Variants in CCNY observed in about 807,000 individuals in gnomAD.
CCNY encodes the protein cyclin Y, also known as cyclin-Y.
A neutral mutation model predicts 42.8 loss-of-function variants in CCNY; 19 were observed. That is an observed-to-expected ratio of 0.44 (90% CI 0.31 to 0.65). The LOEUF (loss-of-function observed/expected upper bound fraction) is 0.65. CCNY is among the 30% of genes least tolerant of loss of function. The pLI, the probability that CCNY is intolerant of heterozygous loss-of-function variation, is 0.07. For missense variants in CCNY, 370 were observed against 437.3 expected (o/e 0.85, Z 1.37); for synonymous variants, 165 against 162.7 (o/e 1.01, Z -0.11).
chr10:35,491,886 T>A (rs959844127), intron 2 of CCNY, among the ~76,000 whole-genome samples: 24 of 151,922 alleles, frequency 1.6e-4, no homozygotes, highest in African/African-American at 5.5e-4. Flanking sequence ...AGTGCTGGGA[T>A]TACAGGTGTG....
chr10:35,539,489 G>T (rs1840952336), intron 7 of CCNY, among the ~76,000 whole-genome samples: 1 of 152,168 alleles, frequency 6.6e-6, no homozygotes, highest in South Asian at 2.1e-4. Context: ...CACTTCTTTT[G>T]TTAAATTTAT....
At chr10:35,343,000 CTTTTT>C (rs112760907) in intron 1 of CCNY, among the ~76,000 whole-genome samples, 1 of 128,358 alleles carries the variant, frequency 7.8e-6, no homozygotes, top group Non-Finnish European at 1.7e-5. Flanking sequence ...TCCTGCCTGC[CTTTTT>C]TTTTTTTTTT....
At chr10:35,400,114 G>T (rs1837612064) in intron 1 of CCNY, among the ~76,000 whole-genome samples, 1 of 152,118 alleles carries the variant, frequency 6.6e-6, no homozygotes, top group African/African-American at 2.4e-5. Flanking sequence ...TAGCCCTGTG[G>T]ATAGCTGTTC....
At position 35,304,318 on chromosome 10, in the gene CCNY, A is replaced by AT. The variant is rs1461045175; in HGVS notation, c.-9+53701dup. On this transcript the variant is annotated intron_variant, in intron 3 of 11. Coordinates refer to the CCNY transcript ENST00000374706. ...TATTTTTTTTTTTTTTTTATTTTTTATTTTTTTTTGAGACGGAGTCTCGCT... is the reference window on the plus strand; with the variant it reads ...TATTTTTTTTTTTTTTTTATTTTTTATTTTTTTTTTGAGACGGAGTCTCGCT... Among the ~76,000 whole-genome samples the AT allele has an allele frequency of 7.2e-5, 7 of 97,258 alleles. 2 individuals are homozygous for AT. Among genetic ancestry groups the AT allele is most frequent in the East Asian group, 2.9e-4 (1 of 3,476 alleles). The allele number at this position is 97,258 out of a possible 152,430, so 63.8% of individuals were successfully genotyped here. A position where few individuals can be genotyped will look rare whatever the true frequency, so the allele number is the denominator to read the frequency against.
At chr10:35,327,575 C>T (rs1835894749) in intron 3 of CCNY, 1 of 152,140 alleles carries the variant, frequency 6.6e-6, no homozygotes, top group South Asian at 2.1e-4. Context: ...ATTTTTACTT[C>T]CTGAGAAGTG....
At chr10:35,527,620 C>A (rs1840678554) in intron 5 of CCNY, among the ~76,000 whole-genome samples, 1 of 152,168 alleles carries the variant, frequency 6.6e-6, no homozygotes, top group African/African-American at 2.4e-5. Context: ...GAAATGAATT[C>A]AATCTACCAC....
intron 1 of CCNY, among the ~76,000 whole-genome samples, chr10:35,401,603 A>G (rs1341513410): frequency 1.3e-5 from 2 of 150,950 alleles, no homozygotes; most frequent in African/African-American, 4.9e-5. Flanking sequence ...AGCAGTAGTA[A>G]TTGTCTCATG....
chr10:35,458,959 C>T (rs934322387), intron 1 of CCNY, among the ~76,000 whole-genome samples: 11 of 152,064 alleles, frequency 7.2e-5, no homozygotes, highest in Non-Finnish European at 1.6e-4. Context: ...GATAGGGAGG[C>T]AGGGGACAGA....
chr10:35,547,942 G>A (rs887971395), intron 7 of CCNY, among the ~76,000 whole-genome samples: 3 of 152,062 alleles, frequency 2.0e-5, no homozygotes, highest in African/African-American at 7.2e-5. Flanking sequence ...CCCTGTAATG[G>A]TTTTCCATTT....
chr10:35,516,822 T>A (rs1482706028), intron 4 of CCNY, among the ~76,000 whole-genome samples, 199 bp downstream of exon 4: 3 of 151,944 alleles, frequency 2.0e-5, no homozygotes, highest in Non-Finnish European at 4.4e-5. Context: ...TAAAAAATGA[T>A]TTTGGTAGTT....
At chr10:35,529,300 G>A (rs992197704) in intron 5 of CCNY, among the ~76,000 whole-genome samples, 35 of 152,222 alleles carry the variant, frequency 2.3e-4, no homozygotes, top group African/African-American at 7.5e-4. Context: ...TTACCCTGGC[G>A]CTTCTTTCCT....
intron 1 of CCNY, among the ~76,000 whole-genome samples, chr10:35,399,859 C>G (rs776175040): frequency 9.9e-5 from 15 of 152,136 alleles, no homozygotes; most frequent in Non-Finnish European, 2.2e-4. Context: ...GAGAAGACTT[C>G]TTCCTGTAGA....
rs1330859708 is a variant in CCNY, at chr10:35,482,907, C to T, written c.155-497C>T. Among the ~76,000 whole-genome samples, 7 of 151,880 alleles carry T rather than the reference C, an allele frequency of 4.6e-5. No individual in the cohort carries two copies. The East Asian group carries it at 1.2e-3, about 25-fold the overall frequency. On this transcript the variant is annotated intron_variant, in intron 1 of 9. Coordinates refer to ENST00000374704, the MANE Select transcript of CCNY (RefSeq NM_145012.6). ...GGCCCAGATTAGGTCCACAAATGGC[C>T]GATGTGTAGCTTTTGCTCTAAGGGA... is the stretch of plus-strand genomic sequence containing the variant.
At chr10:35,418,856 CTG>C (rs891833658) in intron 1 of CCNY, among the ~76,000 whole-genome samples, 1 of 151,488 alleles carries the variant, frequency 6.6e-6, no homozygotes, top group Non-Finnish European at 1.5e-5. Flanking sequence ...TTTAATCTCT[CTG>C]TCACCAGGCT....
At chr10:35,483,238 G>T (rs1589151021) in intron 1 of CCNY, among the ~76,000 whole-genome samples, 166 bp from the exon 2 acceptor site, 1 of 152,190 alleles carries the variant, frequency 6.6e-6, no homozygotes, top group South Asian at 2.1e-4. Flanking sequence ...TTTCTAAATA[G>T]CAGTGTTCTG....
In CCNY at chr10:35,456,978, G is replaced by T. The variant is rs116225750; in HGVS notation, c.155-26426G>T. Among the ~76,000 whole-genome samples, 820 of 152,258 alleles carry T rather than the reference G, an allele frequency of 5.4e-3. 10 individuals are homozygous for T. Among genetic ancestry groups the T allele is most frequent in the African/African-American group, 0.019 (780 of 41,548 alleles). ...TTTCTCTGTCACATGTTAATATTAT[G>T]CCATGTGATTCAAGTAGTGAACCAG... On this transcript the variant is annotated intron_variant, in intron 1 of 9. Coordinates refer to ENST00000374704, the MANE Select transcript of CCNY (RefSeq NM_145012.6).
intron 3 of CCNY, among the ~76,000 whole-genome samples, chr10:35,275,247 G>A (rs770669274): frequency 1.3e-5 from 2 of 151,278 alleles, no homozygotes; most frequent in African/African-American, 2.4e-5. Context: ...TGTGTTTTTA[G>A]TAGAGATGGG....
At chr10:35,396,860 C>A (rs184761049) in intron 1 of CCNY, among the ~76,000 whole-genome samples, 61 of 152,300 alleles carry the variant, frequency 4.0e-4, no homozygotes, top group Non-Finnish European at 4.9e-4. Context: ...GCAGCCTTGT[C>A]TGGCTTGCAG....
At chr10:35,361,743 A>G (rs1836690981) in intron 1 of CCNY, among the ~76,000 whole-genome samples, 1 of 152,268 alleles carries the variant, frequency 6.6e-6, no homozygotes, top group Non-Finnish European at 1.5e-5. Flanking sequence ...AAAGATATAT[A>G]AGACATGGCC....
Sources: gnomAD v4.1 joint callset for allele counts (sites outside exome capture counted in the v4.1 genomes callset) on GRCh38, gnomAD v4.1.1 for gene constraint, MANE v1.5 for transcripts, NCBI Gene and HGNC (gene_info 2026-07-23, HGNC 2026-07-21) for gene names.